The following LRRC4C variants were observed in gnomAD, a reference collection of about 807,000 sequenced individuals.
LRRC4C encodes the protein leucine rich repeat containing 4C, also known as leucine-rich repeat-containing protein 4C.
A neutral mutation model predicts 33.6 loss-of-function variants in LRRC4C; 5 were observed. That is an observed-to-expected ratio of 0.15 (90% CI 0.08 to 0.31). The LOEUF (loss-of-function observed/expected upper bound fraction) is 0.31, where lower values mean the gene tolerates loss of function less well. Ranked by LOEUF, LRRC4C falls within the 10% of genes least tolerant of loss-of-function variation. LRRC4C has a pLI of 1.00. For missense variants in LRRC4C, 560 were observed against 796.7 expected (o/e 0.70, Z 3.58); for synonymous variants, 329 against 302.0 (o/e 1.09, Z -0.93).
chr11:41,358,475 G>T (rs116647289), intron 1 of LRRC4C, among the ~76,000 whole-genome samples: 4 of 152,086 alleles, frequency 2.6e-5, no homozygotes, highest in African/African-American at 9.7e-5. Context: ...GCCAGAAACT[G>T]GGAGAAAGTA....
At chr11:40,364,640 T>G (rs2167665) in intron 3 of LRRC4C, among the ~76,000 whole-genome samples, 78,203 of 151,832 alleles carry the variant, frequency 0.52, 20,491 homozygotes, top group East Asian at 0.8. Flanking sequence ...GAAAAGAATG[T>G]TTGTTAAAAA....
intron 2 of LRRC4C, among the ~76,000 whole-genome samples, chr11:40,889,751 AT>A (rs1955618832): frequency 6.6e-6 from 1 of 152,136 alleles, no homozygotes; most frequent in Non-Finnish European, 1.5e-5. Flanking sequence ...GTGACTTGAT[AT>A]CGTCACATTC....
chr11:40,365,986 T>C (rs1467312334), intron 3 of LRRC4C, among the ~76,000 whole-genome samples: 6 of 152,032 alleles, frequency 3.9e-5, no homozygotes, highest in South Asian at 2.1e-4. Context: ...AATTGGGAGA[T>C]TCAGTGGGGT....
At chr11:40,853,000 G>C (rs1030287432) in intron 2 of LRRC4C, among the ~76,000 whole-genome samples, 3 of 152,196 alleles carry the variant, frequency 2.0e-5, no homozygotes, top group African/African-American at 7.2e-5. Flanking sequence ...GTCACATAGA[G>C]ATGTTTTTAT....
chr11:40,428,167 G>A (rs1405912369), intron 3 of LRRC4C, among the ~76,000 whole-genome samples: 1 of 150,132 alleles, frequency 6.7e-6, no homozygotes, highest in Non-Finnish European at 1.5e-5. Context: ...TTTTTTTTTT[G>A]TTTGTTTCTG....
intron 4 of LRRC4C, among the ~76,000 whole-genome samples, chr11:40,283,282 A>G (rs978403458): frequency 1.8e-4 from 28 of 152,376 alleles, no homozygotes; most frequent in Admixed American, 1.7e-3. Flanking sequence ...TAGATTTCAT[A>G]CACATACCCA....
intron 1 of LRRC4C, among the ~76,000 whole-genome samples, chr11:41,365,172 T>C (rs537247370): frequency 6.6e-6 from 1 of 152,248 alleles, no homozygotes; most frequent in South Asian, 2.1e-4. Flanking sequence ...CTCTGCCTCC[T>C]GTCAAGTTAG....
intron 3 of LRRC4C, among the ~76,000 whole-genome samples, chr11:40,557,567 T>G (rs1957378784): frequency 1.3e-5 from 2 of 152,130 alleles, no homozygotes; most frequent in Non-Finnish European, 2.9e-5. Context: ...ACTTTATCCA[T>G]TGAAGCACCA....
intron 3 of LRRC4C, among the ~76,000 whole-genome samples, chr11:40,510,948 T>A (rs1311545607): frequency 6.6e-6 from 1 of 152,138 alleles, no homozygotes; most frequent in Non-Finnish European, 1.5e-5. Flanking sequence ...AAAAACAAAC[T>A]GTTTCTAAGA....
At position 40,115,156 on chromosome 11, in the gene LRRC4C, T is replaced by G. The variant is rs1234638880; in HGVS notation, c.1137A>C (p.Thr379=). The change falls in exon 7 of 7, where the codon ACA becomes ACC. Residue 379 remains threonine (T), a synonymous_variant. Coordinates refer to ENST00000528697, the MANE Select transcript of LRRC4C (RefSeq NM_001258419.2). This position sits in a 1 kb window ranked among gnomAD's most constrained non-coding sequence, Gnocchi z 6.7. ...MAAELKCRAS[T]SLTSVSWITP... ...TAATCCAAGATACAGATGTCAGGGA[T>G]GTGGAGGCCCGACATTTCAGCTCAG... is the stretch of plus-strand genomic sequence containing the variant. The G allele has an allele frequency of 1.2e-6, 2 of 1,614,220 alleles. No homozygotes were observed. Among genetic ancestry groups the G allele is most frequent in the Non-Finnish European group, 1.7e-6 (2 of 1,180,042 alleles).
chr11:40,605,301 C>T (rs971198879), intron 3 of LRRC4C, among the ~76,000 whole-genome samples: 1 of 151,860 alleles, frequency 6.6e-6, no homozygotes, highest in African/African-American at 2.4e-5. Flanking sequence ...GCAGGAATAT[C>T]CTTTAATTTA....
intron 2 of LRRC4C, among the ~76,000 whole-genome samples, chr11:40,862,548 A>G (rs1954155108): frequency 6.6e-6 from 1 of 152,238 alleles, no homozygotes; most frequent in Non-Finnish European, 1.5e-5. Context: ...TCATGGCTTT[A>G]AAAACCCAAA....
chr11:40,227,893 T>G (rs1259229841), intron 5 of LRRC4C, among the ~76,000 whole-genome samples: 11 of 152,180 alleles, frequency 7.2e-5, no homozygotes. Context: ...AGAGTGGACA[T>G]GATGCCTGCT....
At chr11:40,882,650 T>C (rs749118404) in intron 2 of LRRC4C, among the ~76,000 whole-genome samples, 2 of 152,074 alleles carry the variant, frequency 1.3e-5, no homozygotes, top group Non-Finnish European at 2.9e-5. Context: ...ATGAAGTACA[T>C]CCTGTTACCC....
At chr11:41,441,636 A>G (rs926657437) in intron 1 of LRRC4C, among the ~76,000 whole-genome samples, 1 of 148,248 alleles carries the variant, frequency 6.7e-6, no homozygotes, top group Non-Finnish European at 1.5e-5. Flanking sequence ...AAAAAGATAG[A>G]TGTAACTGGC....
At chr11:41,316,270 AAAAAAAAAAC>A (rs919623438) in intron 1 of LRRC4C, among the ~76,000 whole-genome samples, 2 of 150,144 alleles carry the variant, frequency 1.3e-5, no homozygotes, top group Non-Finnish European at 3.0e-5. Flanking sequence ...GGCAAAAAAA[AAAAAAAAAAC>A]AAAAAAAAAC....
intron 1 of LRRC4C, among the ~76,000 whole-genome samples, chr11:41,127,810 A>T (rs1189997000): frequency 2.0e-5 from 3 of 152,132 alleles, no homozygotes; most frequent in Admixed American, 6.6e-5. Context: ...TCCAGAGTGA[A>T]AACCACATGG....
chr11:41,390,710 G>C (rs1953556336), intron 1 of LRRC4C, among the ~76,000 whole-genome samples: 1 of 151,756 alleles, frequency 6.6e-6, no homozygotes, highest in Non-Finnish European at 1.5e-5. Context: ...CTGCAATCCA[G>C]TGTTTGCATG....
intron 1 of LRRC4C, among the ~76,000 whole-genome samples, chr11:41,209,050 G>A (rs185610623): frequency 5.6e-4 from 85 of 151,546 alleles, no homozygotes; most frequent in African/African-American, 2.0e-3. Context: ...AAGGGGAAAG[G>A]TGGGAGGAGG....
Sources: gnomAD v4.1 joint callset for allele counts (sites outside exome capture counted in the v4.1 genomes callset) on GRCh38, gnomAD v4.1.1 for gene constraint, Gnocchi (gnomAD v3.1) non-coding constraint, MANE v1.5 for transcripts, NCBI Gene and HGNC (gene_info 2026-07-23, HGNC 2026-07-21) for gene names.